ZNRF3: variants seen among roughly 807,000 people sequenced by gnomAD.
ZNRF3 encodes zinc and ring finger 3.
A neutral mutation model predicts 72.5 loss-of-function variants in ZNRF3; 23 were observed. The observed-to-expected ratio is 0.32, with a 90% CI of 0.23 to 0.45. ZNRF3 has a LOEUF of 0.45. Among genes scored for constraint, ZNRF3 ranks in the 20% least tolerant of loss-of-function variants. The pLI is 1.00. For synonymous variants in ZNRF3, 610 were observed against 545.3 expected, an observed-to-expected ratio of 1.12 and a Z score of -1.65; for missense variants, 1,169 against 1,272.1, an observed-to-expected ratio of 0.92 and a Z score of 1.23.
At chr22:28,926,287 T>G (rs563752751) in intron 1 of ZNRF3, among the ~76,000 whole-genome samples, 4 of 152,294 alleles carry the variant, frequency 2.6e-5, no homozygotes, top group Admixed American at 6.5e-5. Context: ...GGGTGGGACT[T>G]CTGGTGGGTT....
intron 2 of ZNRF3, chr22:29,031,520 C>CA: frequency 1.1e-6 from 1 of 923,048 alleles, no homozygotes; most frequent in Admixed American, 6.2e-5. Context: ...CTGTGTCATG[C>CA]AGTGACTCAT....
At chr22:28,922,541 A>G (rs982208886) in intron 1 of ZNRF3, among the ~76,000 whole-genome samples, 29 of 152,120 alleles carry the variant, frequency 1.9e-4, no homozygotes, top group African/African-American at 6.8e-4. Flanking sequence ...ATGATAATAT[A>G]TTTTGTTTTC....
At chr22:29,042,093 A>G (rs2036973483) in intron 2 of ZNRF3, among the ~76,000 whole-genome samples, 1 of 152,178 alleles carries the variant, frequency 6.6e-6, no homozygotes, top group Non-Finnish European at 1.5e-5. Flanking sequence ...ATTACCATAC[A>G]AGGTAGGTGA....
chr22:28,946,924 A>G (rs539601200), intron 1 of ZNRF3, among the ~76,000 whole-genome samples: 5 of 152,294 alleles, frequency 3.3e-5, no homozygotes, highest in African/African-American at 1.2e-4. Context: ...TTCACTGTCA[A>G]CAATTGCTTG....
chr22:29,009,104 G>A (rs531884588), intron 2 of ZNRF3, among the ~76,000 whole-genome samples: 1 of 152,168 alleles, frequency 6.6e-6, no homozygotes, highest in Non-Finnish European at 1.5e-5. Flanking sequence ...AGGGAATCAG[G>A]ACAGGATCCT....
At chr22:28,958,938 A>G (rs935803886) in intron 1 of ZNRF3, among the ~76,000 whole-genome samples, 4 of 152,246 alleles carry the variant, frequency 2.6e-5, no homozygotes, top group Admixed American at 6.5e-5. Context: ...TCACTTCATC[A>G]GCAGAGAAGA....
At chr22:28,969,868 G>A (rs556015699) in intron 1 of ZNRF3, among the ~76,000 whole-genome samples, 139 of 152,280 alleles carry the variant, frequency 9.1e-4, no homozygotes, top group Non-Finnish European at 1.4e-3. Flanking sequence ...GTACAGGGTG[G>A]AAGCAGGGGA....
intron 1 of ZNRF3, among the ~76,000 whole-genome samples, chr22:28,932,889 C>A (rs1161573447): frequency 6.6e-6 from 1 of 152,206 alleles, no homozygotes; most frequent in Non-Finnish European, 1.5e-5. Flanking sequence ...TAATACATGT[C>A]TTCTCTAAGA....
At chr22:29,005,258 T>A (rs908792096) in intron 2 of ZNRF3, among the ~76,000 whole-genome samples, 3 of 152,200 alleles carry the variant, frequency 2.0e-5, no homozygotes, top group Admixed American at 6.5e-5. Context: ...AACCTTGCCT[T>A]TGCCAAGCAA....
intron 1 of ZNRF3, among the ~76,000 whole-genome samples, chr22:28,920,651 A>G (rs1331203806): frequency 1.3e-5 from 2 of 152,174 alleles, no homozygotes; most frequent in Non-Finnish European, 2.9e-5. Flanking sequence ...AACTTTTCTT[A>G]TTTCTCATTC....
At chr22:28,963,008 CTG>C (rs1569262768) in intron 1 of ZNRF3, among the ~76,000 whole-genome samples, 1 of 152,184 alleles carries the variant, frequency 6.6e-6, no homozygotes, top group Non-Finnish European at 1.5e-5. Context: ...GATGGTAAGA[CTG>C]TTGAATGGAA....
intron 1 of ZNRF3, among the ~76,000 whole-genome samples, chr22:28,903,508 C>G (rs1157857943): frequency 6.6e-6 from 1 of 152,132 alleles, no homozygotes; most frequent in Non-Finnish European, 1.5e-5. Context: ...TCTTAACCCC[C>G]CAAATTAGAC....
At chr22:29,014,117 G>A (rs896471025) in intron 2 of ZNRF3, among the ~76,000 whole-genome samples, 17 of 151,996 alleles carry the variant, frequency 1.1e-4, no homozygotes, top group African/African-American at 3.9e-4. Flanking sequence ...TGTCATTGCT[G>A]TAAAGTCACA....
chr22:28,966,865 A>ATTTTTTTTT (rs2035473085), intron 1 of ZNRF3, among the ~76,000 whole-genome samples: 2 of 134,994 alleles, frequency 1.5e-5, no homozygotes, highest in African/African-American at 6.3e-5. Flanking sequence ...AGTTTTAAAA[A>ATTTTTTTTT]TCTTTTTTTT....
At chr22:28,964,015 C>T (rs1481999268) in intron 1 of ZNRF3, among the ~76,000 whole-genome samples, 1 of 152,184 alleles carries the variant, frequency 6.6e-6, no homozygotes, top group Non-Finnish European at 1.5e-5. Context: ...TACCAACCCA[C>T]CTACATTCTA....
At position 29,055,521 on chromosome 22, in the gene ZNRF3, T is replaced by C. The variant is rs1245263535; in HGVS notation, c.*1899T>C. On this transcript the variant is annotated 3_prime_UTR_variant, in exon 9 of 9. Coordinates refer to ENST00000544604, the MANE Select transcript of ZNRF3 (RefSeq NM_001206998.2). ...ATTCCAACATCAAATGATCAAAACA[T>C]TTGCCACTGAGGCTTCACTGGTGAG... is the stretch of plus-strand genomic sequence containing the variant. 1.3e-5 allele frequency: 2 copies of C among 152,244 alleles called. No homozygotes were observed. Among genetic ancestry groups the C allele is most frequent in the Non-Finnish European group, 2.9e-5 (2 of 68,046 alleles). The allele number at this position is 152,244 out of a possible 1,614,324, so 9.4% of individuals were successfully genotyped here.
At chr22:28,893,510 T>TC (rs2123745584) in intron 1 of ZNRF3, among the ~76,000 whole-genome samples, 1 of 152,110 alleles carries the variant, frequency 6.6e-6, no homozygotes, top group African/African-American at 2.4e-5. Context: ...CTTTTTTTTT[T>TC]TTTTCGAGAC....
At chr22:29,043,809 T>A (rs1349802446) in intron 4 of ZNRF3, among the ~76,000 whole-genome samples, 3 of 152,196 alleles carry the variant, frequency 2.0e-5, no homozygotes, top group African/African-American at 7.2e-5. Flanking sequence ...TCTATCTGGC[T>A]TAGACACTAG....
intron 1 of ZNRF3, among the ~76,000 whole-genome samples, chr22:28,984,646 C>T (rs2035822079): frequency 1.3e-5 from 2 of 152,204 alleles, no homozygotes; most frequent in Admixed American, 1.3e-4. Flanking sequence ...AGGAAGCTGG[C>T]TGAGCTGTGC....
Sources: gnomAD v4.1 joint callset for allele counts (sites outside exome capture counted in the v4.1 genomes callset) on GRCh38, gnomAD v4.1.1 for gene constraint, MANE v1.5 for transcripts, NCBI Gene and HGNC (gene_info 2026-07-23, HGNC 2026-07-21) for gene names.